The following SRGAP2C variants were observed in gnomAD, a reference collection of about 807,000 sequenced individuals.
SRGAP2C encodes the protein SLIT-ROBO Rho GTPase-activating protein 2C.
Under a neutral mutation model 25.1 loss-of-function variants are expected in SRGAP2C, and 15 were observed. That is an observed-to-expected ratio of 0.60 (90% confidence interval 0.40 to 0.92). SRGAP2C has a LOEUF of 0.92. Among genes scored for constraint, SRGAP2C ranks in the 40% least tolerant of loss-of-function variants. The pLI, the probability that SRGAP2C is intolerant of heterozygous loss-of-function variation, is 0.00. For missense variants in SRGAP2C, 144 were observed against 264.4 expected, an observed-to-expected ratio of 0.54 and a Z score of 3.16; for synonymous variants, 44 against 96.6, an observed-to-expected ratio of 0.46 and a Z score of 3.19.
chr1:121,340,381 A>G (rs1225393426), intron 4 of SRGAP2C, among the ~76,000 whole-genome samples: 3 of 151,978 alleles, frequency 2.0e-5, no homozygotes, highest in Non-Finnish European at 4.4e-5. Context: ...GAAGGAAAAA[A>G]AAAAGTATTG....
At chr1:121,288,868 C>G (rs1252575995) in intron 3 of SRGAP2C, among the ~76,000 whole-genome samples, 1 of 74,508 alleles carries the variant, frequency 1.3e-5, no homozygotes, top group Non-Finnish European at 2.6e-5. Flanking sequence ...AGTCCTTGAG[C>G]TAGACATAAA....
chr1:121,223,036 C>G (rs1655572275), intron 2 of SRGAP2C, among the ~76,000 whole-genome samples: 1 of 151,974 alleles, frequency 6.6e-6, no homozygotes, highest in South Asian at 2.1e-4. Context: ...TTGATGAGAT[C>G]AATTCATTAA....
At chr1:121,309,345 A>G (rs1370582813) in intron 3 of SRGAP2C, among the ~76,000 whole-genome samples, 6 of 141,594 alleles carry the variant, frequency 4.2e-5, no homozygotes, top group African/African-American at 2.6e-5. Flanking sequence ...AGACATCAGG[A>G]GTACTAATAA....
chr1:121,235,626 GTTTTT>G (rs60027326), intron 2 of SRGAP2C, among the ~76,000 whole-genome samples: 1 of 45,756 alleles, frequency 2.2e-5, no homozygotes, highest in Non-Finnish European at 3.6e-5. Context: ...TGCTTTTTCT[GTTTTT>G]TTTTTTTTTT....
intron 8 of SRGAP2C, among the ~76,000 whole-genome samples, chr1:121,385,846 A>T (rs1474155003): frequency 2.0e-5 from 3 of 150,646 alleles, no homozygotes; most frequent in Non-Finnish European, 4.4e-5. Context: ...CACAGGGGAA[A>T]GCTAATTGGC....
At chr1:121,195,116 A>G (rs1654798163) in intron 2 of SRGAP2C, among the ~76,000 whole-genome samples, 1 of 151,206 alleles carries the variant, frequency 6.6e-6, no homozygotes, top group Non-Finnish European at 1.5e-5. Context: ...CTGTTTCCAT[A>G]TAGAGTTGGC....
intron 3 of SRGAP2C, chr1:121,315,041 A>AAG: frequency 1.0e-6 from 1 of 981,086 alleles, no homozygotes; most frequent in South Asian, 1.3e-5. Context: ...TCAAGGTATC[A>AAG]CTGAGATTAT....
At chr1:121,198,272 AT>A in intron 2 of SRGAP2C, among the ~76,000 whole-genome samples, 1 of 143,776 alleles carries the variant, frequency 7.0e-6, no homozygotes, top group Non-Finnish European at 1.5e-5. Context: ...AAGAAGGCAT[AT>A]TCTCTTTGTT....
At position 121,332,408 on chromosome 1, in the gene SRGAP2C, G is replaced by T. The variant is rs1479313235; in HGVS notation, c.423+7768G>T. ...GTTTCCTACTTTATTCTTGGAGGGT[G>T]ATGAAGGGTGAAGTTAGCTTCAGAT... On this transcript the variant is annotated intron_variant, in intron 4 of 9. Coordinates refer to ENST00000367123, the MANE Select transcript of SRGAP2C (RefSeq NM_001329984.2). 3.1e-5 allele frequency among the ~76,000 whole-genome samples: 4 copies of T among 130,738 alleles called. No homozygotes were observed. In the East Asian group the frequency reaches 9.7e-4, roughly 32 times the overall value. 85.8% of individuals were successfully genotyped at this position (130,738 alleles called of 152,430 possible). A position where few individuals can be genotyped will look rare whatever the true frequency, so the allele number is the denominator to read the frequency against.
intron 2 of SRGAP2C, among the ~76,000 whole-genome samples, chr1:121,272,239 A>G (rs1570753981): frequency 1.4e-5 from 2 of 144,498 alleles, no homozygotes; most frequent in African/African-American, 2.6e-5. Flanking sequence ...TAATAACTTT[A>G]CAAATATTAA....
intron 2 of SRGAP2C, among the ~76,000 whole-genome samples, chr1:121,263,133 C>T (rs1482157747): frequency 2.0e-5 from 3 of 151,554 alleles, no homozygotes; most frequent in Non-Finnish European, 3.0e-5. Flanking sequence ...TTGGGCAGAT[C>T]GCTTGAGGTC....
chr1:121,224,852 G>A (rs1345351322), intron 2 of SRGAP2C, among the ~76,000 whole-genome samples: 1 of 151,368 alleles, frequency 6.6e-6, no homozygotes, highest in Admixed American at 6.6e-5. Flanking sequence ...CAAGTGAAAA[G>A]GATGTGTACA....
At position 121,365,077 on chromosome 1, in the gene SRGAP2C, G is replaced by A. The variant is rs1380781414; in HGVS notation, c.424-216G>A. 2.4e-5 allele frequency among the ~76,000 whole-genome samples: 2 copies of A among 84,580 alleles called. 1 individual carries two copies. The highest frequency in any genetic ancestry group is 2.6e-4 in the Admixed American group (2 of 7,624). The allele number at this position is 84,580 out of a possible 152,430, so 55.5% of individuals were successfully genotyped here. On this transcript the variant is annotated intron_variant, in intron 4 of 9. Transcript: ENST00000367123. ...AGGCTACCACCCTTTTTCCCTCTAC[G>A]CAATTGCCTTTGCTAGGCACATTTC...
At chr1:121,368,094 A>G (rs1659385170) in intron 5 of SRGAP2C, among the ~76,000 whole-genome samples, 1 of 95,774 alleles carries the variant, frequency 1.0e-5, no homozygotes, top group Admixed American at 1.1e-4. Context: ...AAAAAAGAAA[A>G]AGGAAAAAAA....
intron 2 of SRGAP2C, among the ~76,000 whole-genome samples, chr1:121,259,879 G>A (rs1466735250): frequency 8.3e-6 from 1 of 119,954 alleles, no homozygotes; most frequent in African/African-American, 3.3e-5. Context: ...AAGAGACAAG[G>A]TCTCTCTCTC....
chr1:121,226,104 T>C (rs1374718597), intron 2 of SRGAP2C, among the ~76,000 whole-genome samples: 2 of 151,818 alleles, frequency 1.3e-5, no homozygotes, highest in Non-Finnish European at 2.9e-5. Context: ...ATGAAAGGGA[T>C]CGGGTCTGTA....
intron 2 of SRGAP2C, among the ~76,000 whole-genome samples, chr1:121,190,906 C>CT: frequency 6.8e-6 from 1 of 147,042 alleles, no homozygotes; most frequent in South Asian, 2.2e-4. Flanking sequence ...TTTTGCCTCC[C>CT]TATAAACCAC....
intron 2 of SRGAP2C, among the ~76,000 whole-genome samples, chr1:121,206,147 T>C (rs1398023212): frequency 1.4e-4 from 21 of 151,696 alleles, no homozygotes; most frequent in African/African-American, 5.1e-4. Context: ...CGCTCCTGCA[T>C]CACTTCCTAC....
At chr1:121,362,227 G>C (rs1187617531) in intron 4 of SRGAP2C, 1 of 103,562 alleles carries the variant, frequency 9.7e-6, no homozygotes, top group Non-Finnish European at 1.9e-5. Flanking sequence ...TTTATCATCT[G>C]TGAAAGGAGA....
Sources: gnomAD v4.1 joint callset for allele counts (sites outside exome capture counted in the v4.1 genomes callset) on GRCh38, gnomAD v4.1.1 for gene constraint, MANE v1.5 for transcripts, NCBI Gene and HGNC (gene_info 2026-07-23, HGNC 2026-07-21) for gene names.